Variants in PTPRS observed in about 807,000 individuals in gnomAD.
PTPRS encodes protein tyrosine phosphatase receptor type S.
Under a neutral mutation model 215.3 loss-of-function variants are expected in PTPRS, and 63 were observed. The observed-to-expected ratio is 0.29, with a 90% CI of 0.24 to 0.36. The LOEUF (loss-of-function observed/expected upper bound fraction) is 0.36, where lower values mean the gene tolerates loss of function less well. Ranked by LOEUF, PTPRS falls within the 10% of genes least tolerant of loss-of-function variation. The probability of loss-of-function intolerance (pLI) is 1.00; values close to 1 mark genes in which losing one functional copy is unlikely to be tolerated. For synonymous variants in PTPRS, 1,404 were observed against 1,191.4 expected (o/e 1.18, Z -3.68); for missense variants, 2,258 against 2,825.8 (o/e 0.80, Z 4.56).
chr19:5,300,767 CAA>C (rs59799136), intron 1 of PTPRS, among the ~76,000 whole-genome samples: 130 of 97,740 alleles, frequency 1.3e-3, no homozygotes, highest in African/African-American at 3.3e-3. Context: ...GACTCCGTCT[CAA>C]AAAAAAAAAA....
At chr19:5,211,567 G>A (rs766789243) in intron 33 of PTPRS, 23 bp downstream of exon 33, 3 of 1,594,216 alleles carry the variant, frequency 1.9e-6, no homozygotes, top group African/African-American at 1.3e-5. Flanking sequence ...GGGGCCCTGA[G>A]GTGGGAAAGG....
intron 8 of PTPRS, 148 bp from the exon 9 acceptor site, chr19:5,256,267 AAAATT>A: frequency 1.4e-5 from 8 of 580,602 alleles, no homozygotes; most frequent in South Asian, 3.9e-5. Context: ...ACCAAAAAAA[AAAATT>A]AAAATTAAAA....
intron 13 of PTPRS, among the ~76,000 whole-genome samples, chr19:5,235,976 G>A (rs2043409148): frequency 1.3e-5 from 2 of 152,190 alleles, no homozygotes; most frequent in Admixed American, 1.3e-4. Flanking sequence ...AGCACCCTCA[G>A]CCCATGTTTC....
chr19:5,305,723 C>T (rs1043569227), intron 1 of PTPRS, among the ~76,000 whole-genome samples: 15 of 136,940 alleles, frequency 1.1e-4, no homozygotes, highest in Middle Eastern at 3.5e-3. Flanking sequence ...AGGGAGACCC[C>T]GTCTCTGAAA....
At chr19:5,222,639 T>A (rs915247302) in intron 18 of PTPRS, 50 bp downstream of exon 18, 1 of 787,394 alleles carries the variant, frequency 1.3e-6, no homozygotes. Context: ...GGGGTGGGGG[T>A]GGGCGCAAGG....
Position 5,257,929 on chromosome 19 carries a change from G to C in PTPRS, c.706+88C>G, listed in dbSNP as rs1319897045. 2 of 1,168,698 alleles carry C rather than the reference G, an allele frequency of 1.7e-6. No individual in the cohort carries two copies. The highest frequency in any genetic ancestry group is 4.7e-5 in the East Asian group (2 of 42,348). 72.4% of individuals were successfully genotyped at this position (1,168,698 alleles called of 1,614,324 possible). ...CTTCCTGCTTGGGTGTGCAGGGGAC[G>C]GGGGAGCCCGGAGGCGGTGAGCCCG... On this transcript the variant is annotated intron_variant, in intron 8 of 37. Coordinates refer to ENST00000262963, the MANE Select transcript of PTPRS (RefSeq NM_002850.4). The surrounding 1 kb of genome is among the most constrained non-coding windows in gnomAD (Gnocchi z 4.4).
intron 1 of PTPRS, among the ~76,000 whole-genome samples, chr19:5,290,530 G>A (rs535468768): frequency 6.6e-6 from 1 of 152,254 alleles, no homozygotes; most frequent in South Asian, 2.1e-4. Flanking sequence ...AGCATAAAGG[G>A]GTGATTATGA....
intron 1 of PTPRS, among the ~76,000 whole-genome samples, chr19:5,298,317 TG>T (rs1017078132): frequency 1.2e-4 from 19 of 152,308 alleles, no homozygotes; most frequent in African/African-American, 4.6e-4. Context: ...GTGACTGCAT[TG>T]GGATGTTCTC....
At position 5,274,268 on chromosome 19, in the gene PTPRS, G is replaced by A. The variant is rs773876478; in HGVS notation, c.168C>T (p.Ala56=). The stretch of plus-strand genomic sequence containing the variant: ...TCACTCGTGGCTTGGGGTCACCCGT[G>A]GCCTGACACACGAAAGAGGCCACAC... ...SGGVASFVCQ[A]TGDPKPRVTW... Residue 56 remains alanine, a synonymous_variant, in exon 3 of 38, where the codon GCC becomes GCT. Coordinates refer to ENST00000262963, the MANE Select transcript of PTPRS (RefSeq NM_002850.4). 2 of 1,613,962 alleles carry A rather than the reference G, an allele frequency of 1.2e-6. No homozygotes were observed. Among genetic ancestry groups the A allele is most frequent in the Non-Finnish European group, 1.7e-6 (2 of 1,179,990 alleles).
chr19:5,273,709 A>G, intron 3 of PTPRS, 126 bp from the exon 4 acceptor site: 1 of 1,190,256 alleles, frequency 8.4e-7, no homozygotes, highest in Non-Finnish European at 1.2e-6. Context: ...GGTGACTGGG[A>G]GAATTGCTGC....
Position 5,218,767 on chromosome 19 carries a change from G to C in PTPRS, c.3935+20C>G, listed in dbSNP as rs116356914. 6.2e-7 allele frequency: 1 copy of C among 1,612,284 alleles called. No individual in the cohort carries two copies. Reference sequence around the variant, plus strand: ...TCTTCCTCTTGCCTGAAGCCTCCACGGGGGAGGGCTGGTTCTTACCTGTCG... The same window carrying C: ...TCTTCCTCTTGCCTGAAGCCTCCACCGGGGAGGGCTGGTTCTTACCTGTCG... On this transcript the variant is annotated intron_variant, in intron 24 of 37. Transcript: ENST00000262963.
chr19:5,239,124 AAAGGGGAGAGAGAGAGAGACAGAAAC>A, intron 12 of PTPRS, 61 bp from the exon 13 acceptor site: 1 of 1,292,096 alleles, frequency 7.7e-7, no homozygotes, highest in South Asian at 1.3e-5. Context: ...AGACAGAAAC[AAAGGGGAGAGAGAGAGAGACAGAAAC>A]AGAGGGGGGA....
At chr19:5,325,285 T>C (rs934713453) in intron 1 of PTPRS, among the ~76,000 whole-genome samples, 2 of 152,248 alleles carry the variant, frequency 1.3e-5, no homozygotes, top group South Asian at 4.1e-4. Context: ...CATTGAATCA[T>C]ATGGCACAGA....
chr19:5,246,566 G>C (rs2044502751), intron 9 of PTPRS, among the ~76,000 whole-genome samples: 1 of 152,190 alleles, frequency 6.6e-6, no homozygotes, highest in Non-Finnish European at 1.5e-5. Flanking sequence ...TGGCTGCCAA[G>C]TTTCGGGATG....
intron 1 of PTPRS, among the ~76,000 whole-genome samples, chr19:5,324,799 G>C (rs1417177534): frequency 6.6e-6 from 1 of 152,152 alleles, no homozygotes; most frequent in Non-Finnish European, 1.5e-5. Flanking sequence ...CTAGAGGTGG[G>C]ATCCGTGTCA....
chr19:5,325,446 G>T (rs1187320389), intron 1 of PTPRS, among the ~76,000 whole-genome samples: 1 of 152,248 alleles, frequency 6.6e-6, no homozygotes, highest in Non-Finnish European at 1.5e-5. Context: ...CATGGGGCCA[G>T]GTCTTGGGTC....
At chr19:5,269,471 C>T (rs1257540879) in intron 4 of PTPRS, among the ~76,000 whole-genome samples, 1 of 152,022 alleles carries the variant, frequency 6.6e-6, no homozygotes, top group Non-Finnish European at 1.5e-5. Context: ...CAGATGGTCC[C>T]CCACCAACTG....
At chr19:5,207,781 G>T in intron 37 of PTPRS, 141 bp downstream of exon 37, 1 of 1,247,106 alleles carries the variant, frequency 8.0e-7, no homozygotes, top group Non-Finnish European at 1.1e-6. Context: ...CTTCCAGTGC[G>T]GGAGGGGTCT....
intron 2 of PTPRS, among the ~76,000 whole-genome samples, chr19:5,280,787 CT>C (rs145181333): frequency 4.1e-4 from 59 of 143,956 alleles, no homozygotes; most frequent in Non-Finnish European, 4.4e-4. Flanking sequence ...CCTCCCTTAA[CT>C]TTTTTTTTTT....
Sources: gnomAD v4.1 joint callset for allele counts (sites outside exome capture counted in the v4.1 genomes callset) on GRCh38, gnomAD v4.1.1 for gene constraint, Gnocchi (gnomAD v3.1) non-coding constraint, MANE v1.5 for transcripts, NCBI Gene and HGNC (gene_info 2026-07-23, HGNC 2026-07-21) for gene names.